The following MAPKAP1 variants were observed in gnomAD, a reference collection of about 807,000 sequenced individuals.
MAPKAP1 encodes the protein MAPK associated protein 1.
Under a neutral mutation model 65.7 loss-of-function variants are expected in MAPKAP1, and 20 were observed. The observed-to-expected ratio is 0.30, with a 90% CI of 0.21 to 0.44. MAPKAP1 has a LOEUF of 0.44. MAPKAP1 is among the 20% of genes least tolerant of loss of function. The probability of loss-of-function intolerance (pLI) is 1.00; values close to 1 mark genes in which losing one functional copy is unlikely to be tolerated. For synonymous variants in MAPKAP1, 222 were observed against 244.3 expected (o/e 0.91, Z 0.85); for missense variants, 423 against 648.0 (o/e 0.65, Z 3.77).
chr9:125,438,095 C>A lies in MAPKAP1; in HGVS notation c.*792G>T, dbSNP rs566619532. 7 of 347,706 alleles carry A rather than the reference C, an allele frequency of 2.0e-5. No individual in the cohort carries two copies. The highest frequency in any genetic ancestry group is 1.0e-4 in the African/African-American group (5 of 47,752). The allele number at this position is 347,706 out of a possible 1,614,324, so 21.5% of individuals were successfully genotyped here. ...AAACCTACACTTGCTACTTAAGAAA[C>A]GGAAAGACCATGTCTGGCTGGGAGT... On this transcript the variant is annotated 3_prime_UTR_variant, in exon 12 of 12. Transcript: ENST00000265960.
intron 7 of MAPKAP1, among the ~76,000 whole-genome samples, chr9:125,525,284 A>C (rs1262513689): frequency 6.6e-6 from 1 of 152,230 alleles, no homozygotes; most frequent in Non-Finnish European, 1.5e-5. Context: ...CTTAATTCTC[A>C]CAATAATGCT....
At chr9:125,463,172 C>T (rs769865637) in intron 10 of MAPKAP1, among the ~76,000 whole-genome samples, 6 of 152,340 alleles carry the variant, frequency 3.9e-5, no homozygotes, top group Admixed American at 1.3e-4. Flanking sequence ...CCTATTACCG[C>T]GTTAACATTC....
intron 1 of MAPKAP1, among the ~76,000 whole-genome samples, chr9:125,706,735 C>T (rs909974163): frequency 1.3e-5 from 2 of 152,034 alleles, no homozygotes; most frequent in African/African-American, 4.8e-5. Context: ...CCCCCCACCC[C>T]CACACTACCA....
At chr9:125,587,873 A>G (rs1342672561) in intron 4 of MAPKAP1, among the ~76,000 whole-genome samples, 1 of 152,230 alleles carries the variant, frequency 6.6e-6, no homozygotes, top group Admixed American at 6.5e-5. Context: ...TATAATTTAA[A>G]AAAGGCAAAA....
chr9:125,532,244 C>T (rs138988293), intron 7 of MAPKAP1, among the ~76,000 whole-genome samples: 1 of 152,068 alleles, frequency 6.6e-6, no homozygotes, highest in African/African-American at 2.4e-5. Context: ...TGGTTTTCTA[C>T]CACAAAAAAG....
intron 1 of MAPKAP1, among the ~76,000 whole-genome samples, chr9:125,687,633 A>T (rs1434067789): frequency 1.3e-5 from 2 of 151,838 alleles, no homozygotes; most frequent in Non-Finnish European, 2.9e-5. Context: ...AAAAATGTAA[A>T]AATTAACCAG....
intron 1 of MAPKAP1, among the ~76,000 whole-genome samples, chr9:125,691,924 A>T (rs1767910510): frequency 6.6e-6 from 1 of 152,220 alleles, no homozygotes; most frequent in African/African-American, 2.4e-5. Context: ...GAACAGAGAA[A>T]AATGGATCAT....
intron 11 of MAPKAP1, among the ~76,000 whole-genome samples, chr9:125,443,729 G>A (rs1438217782): frequency 5.6e-5 from 1 of 18,006 alleles, no homozygotes; most frequent in African/African-American, 2.4e-4. Flanking sequence ...CCATCCCCCT[G>A]TGCCTGCCTT....
In MAPKAP1 at chr9:125,693,508, CAT is replaced by C. The variant is rs774626370; in HGVS notation, c.-70+13461_-70+13462del. Among the ~76,000 whole-genome samples, 280 of 141,368 alleles carry C rather than the reference CAT, an allele frequency of 2.0e-3. 2 individuals carry two copies. Among genetic ancestry groups the C allele is most frequent in the Non-Finnish European group, 2.5e-3 (166 of 66,794 alleles). The allele number at this position is 141,368 out of a possible 152,430, so 92.7% of individuals were successfully genotyped here. On this transcript the variant is annotated intron_variant, in intron 1 of 11. Coordinates refer to ENST00000265960, the MANE Select transcript of MAPKAP1 (RefSeq NM_001006617.3). The stretch of plus-strand genomic sequence containing the variant: ...ACACATATATACACACATATATACA[CAT>C]ACACACACATATATACACATATACA...
intron 7 of MAPKAP1, among the ~76,000 whole-genome samples, chr9:125,539,343 C>T (rs1374612728): frequency 1.3e-5 from 2 of 152,170 alleles, no homozygotes; most frequent in Admixed American, 1.3e-4. Context: ...ACAGATAATA[C>T]AGAAAATCAC....
At chr9:125,651,606 A>G (rs1013260708) in intron 4 of MAPKAP1, among the ~76,000 whole-genome samples, 2 of 152,138 alleles carry the variant, frequency 1.3e-5, no homozygotes. Context: ...ACTCTGTCTC[A>G]AAAAAACAAA....
intron 1 of MAPKAP1, among the ~76,000 whole-genome samples, chr9:125,673,841 C>A (rs1395320765): frequency 6.6e-6 from 1 of 152,028 alleles, no homozygotes; most frequent in Non-Finnish European, 1.5e-5. Context: ...ACTCATGAGG[C>A]TGAAGTGGGG....
intron 4 of MAPKAP1, among the ~76,000 whole-genome samples, chr9:125,629,291 A>G (rs976965879): frequency 4.6e-5 from 7 of 152,234 alleles, no homozygotes; most frequent in African/African-American, 7.2e-5. Context: ...CTGAAAAGAG[A>G]TATTTGTACT....
chr9:125,567,530 G>A (rs1207081194), intron 5 of MAPKAP1: 1 of 152,240 alleles, frequency 6.6e-6, no homozygotes, highest in East Asian at 1.9e-4. Flanking sequence ...CTGTTGTTTA[G>A]CATATCATCA....
intron 4 of MAPKAP1, among the ~76,000 whole-genome samples, chr9:125,648,534 T>C (rs1833797811): frequency 6.6e-6 from 1 of 152,232 alleles, no homozygotes; most frequent in Non-Finnish European, 1.5e-5. Flanking sequence ...GAGAAGGAAC[T>C]GCATGGCCAG....
intron 7 of MAPKAP1, among the ~76,000 whole-genome samples, chr9:125,539,676 A>T (rs1830182688): frequency 6.6e-6 from 1 of 152,208 alleles, no homozygotes; most frequent in Non-Finnish European, 1.5e-5. Flanking sequence ...TTGCTGCCTA[A>T]ATCAAGGGAC....
intron 6 of MAPKAP1, among the ~76,000 whole-genome samples, chr9:125,557,706 T>C (rs954641271): frequency 1.3e-5 from 2 of 150,108 alleles, no homozygotes; most frequent in African/African-American, 4.8e-5. Context: ...CTACAACCCA[T>C]ACACTTTTCT....
chr9:125,661,924 A>G (rs1364544170), intron 3 of MAPKAP1, among the ~76,000 whole-genome samples: 1 of 152,172 alleles, frequency 6.6e-6, no homozygotes, highest in African/African-American at 2.4e-5. Context: ...CAAATAAATT[A>G]TAAGAAAAAA....
At chr9:125,480,975 GAA>G (rs536367888) in intron 9 of MAPKAP1, among the ~76,000 whole-genome samples, 1 of 108,720 alleles carries the variant, frequency 9.2e-6, no homozygotes, top group East Asian at 4.1e-4. Context: ...CCGTTTCGGG[GAA>G]AAAAAAAAAA....
Sources: allele counts gnomAD v4.1 joint callset (sites outside exome capture counted in the v4.1 genomes callset), GRCh38; gene constraint gnomAD v4.1.1; transcripts MANE v1.5; gene names NCBI Gene and HGNC (gene_info 2026-07-23, HGNC 2026-07-21).